The following CALN1 variants were observed in gnomAD, a reference collection of about 807,000 sequenced individuals.
CALN1 encodes calcium-binding protein 8.
CALN1 carries 17 observed loss-of-function variants against 30.6 expected under a neutral mutation model. The ratio of observed to expected loss-of-function variants is 0.56; its 90% CI spans 0.38 to 0.83. CALN1 has a LOEUF of 0.83. CALN1 is among the 40% of genes least tolerant of loss of function. CALN1 has a pLI of 0.00. For missense variants in CALN1, 291 were observed against 354.9 expected, an observed-to-expected ratio of 0.82 and a Z score of 1.45; for synonymous variants, 156 against 131.4, an observed-to-expected ratio of 1.19 and a Z score of -1.28.
intron 3 of CALN1, among the ~76,000 whole-genome samples, chr7:72,274,605 T>C (rs1335152730): frequency 6.6e-6 from 1 of 152,036 alleles, no homozygotes; most frequent in Admixed American, 6.6e-5. Flanking sequence ...TAGAATTCCA[T>C]ATAATGCACT....
intron 1 of CALN1, among the ~76,000 whole-genome samples, chr7:72,441,238 G>A (rs182093467): frequency 3.0e-4 from 45 of 152,238 alleles, no homozygotes; most frequent in African/African-American, 9.9e-4. Flanking sequence ...TTTTTAAGAT[G>A]AGAAAGATCT....
chr7:71,798,603 G>A (rs1787104015), intron 6 of CALN1, among the ~76,000 whole-genome samples: 1 of 149,566 alleles, frequency 6.7e-6, no homozygotes, highest in Admixed American at 6.6e-5. Flanking sequence ...ACCACGCCTG[G>A]CTGGTAAGAG....
At chr7:72,249,407 A>G (rs2677276) in intron 3 of CALN1, among the ~76,000 whole-genome samples, 148,014 of 152,294 alleles carry the variant, frequency 0.97, 71,976 homozygotes, top group East Asian at 1. Context: ...GAAGTCAAGA[A>G]ACTTGCCCAA....
chr7:71,996,349 G>C (rs1017449827), intron 5 of CALN1, among the ~76,000 whole-genome samples: 3 of 152,182 alleles, frequency 2.0e-5, no homozygotes, highest in African/African-American at 7.2e-5. Context: ...CTTCAATACT[G>C]AGATGAGTCA....
chr7:72,173,204 A>T (rs1018932116), intron 3 of CALN1, among the ~76,000 whole-genome samples: 1 of 152,142 alleles, frequency 6.6e-6, no homozygotes, highest in South Asian at 2.1e-4. Context: ...TTCCATCTGC[A>T]GTAGTATTAA....
At chr7:71,903,061 A>T (rs977427063) in intron 5 of CALN1, among the ~76,000 whole-genome samples, 10 of 152,006 alleles carry the variant, frequency 6.6e-5, no homozygotes, top group East Asian at 5.8e-4. Flanking sequence ...ACTTTTTTTT[A>T]AAAAAAGTAA....
chr7:72,171,595 T>A (rs1488677380), intron 3 of CALN1, among the ~76,000 whole-genome samples: 2 of 152,208 alleles, frequency 1.3e-5, no homozygotes, highest in African/African-American at 4.8e-5. Context: ...TCGTATGTTC[T>A]CAGTACAAAC....
At chr7:72,187,466 A>G (rs1790287410) in intron 3 of CALN1, among the ~76,000 whole-genome samples, 1 of 152,162 alleles carries the variant, frequency 6.6e-6, no homozygotes, top group African/African-American at 2.4e-5. Flanking sequence ...TGCCTCCTGT[A>G]AGATCAGTGG....
At chr7:72,445,057 AACACACACACACACACACAC>A (rs4029789) in intron 1 of CALN1, among the ~76,000 whole-genome samples, 52 of 138,852 alleles carry the variant, frequency 3.7e-4, no homozygotes, top group Admixed American at 1.5e-4. Context: ...CAGTGAATTA[AACACACACACACACACACAC>A]ACACACACAC....
chr7:72,188,297 A>G (rs1454160923), intron 3 of CALN1, among the ~76,000 whole-genome samples: 2 of 152,206 alleles, frequency 1.3e-5, no homozygotes, highest in Non-Finnish European at 1.5e-5. Context: ...ACATATGTAC[A>G]TGTATATATA....
At chr7:72,081,417 G>GTGTGTGTCTGTGTGTGTGTC (rs145997789) in intron 4 of CALN1, among the ~76,000 whole-genome samples, 2 of 146,190 alleles carry the variant, frequency 1.4e-5, no homozygotes, top group Non-Finnish European at 3.0e-5. Flanking sequence ...GTGTGTGTGT[G>GTGTGTGTCTGTGTGTGTGTC]TGTGTGTTTG....
At chr7:72,442,513 A>G (rs549832849) in intron 1 of CALN1, among the ~76,000 whole-genome samples, 13 of 152,228 alleles carry the variant, frequency 8.5e-5, no homozygotes, top group African/African-American at 3.1e-4. Flanking sequence ...CTTATTTAGG[A>G]TTGCACTTTA....
chr7:72,409,129 G>A (rs902204467), intron 1 of CALN1, among the ~76,000 whole-genome samples: 4 of 151,848 alleles, frequency 2.6e-5, no homozygotes, highest in South Asian at 2.1e-4. Flanking sequence ...CCCAGTAGCT[G>A]GGATTACAGG....
At chr7:71,903,170 G>C (rs972911705) in intron 5 of CALN1, among the ~76,000 whole-genome samples, 2 of 151,750 alleles carry the variant, frequency 1.3e-5, no homozygotes, top group African/African-American at 4.8e-5. Context: ...TTACCCTCTA[G>C]ATCTATAATA....
At chr7:72,017,629 G>A (rs1800473374) in intron 5 of CALN1, among the ~76,000 whole-genome samples, 1 of 152,154 alleles carries the variant, frequency 6.6e-6, no homozygotes, top group Non-Finnish European at 1.5e-5. Flanking sequence ...GCTATTATGG[G>A]CTTCTTGTCT....
chr7:72,094,405 C>A (rs1806079120), intron 4 of CALN1, among the ~76,000 whole-genome samples: 1 of 152,144 alleles, frequency 6.6e-6, no homozygotes, highest in Non-Finnish European at 1.5e-5. Flanking sequence ...CAGGCGCACA[C>A]CACAACACCC....
intron 1 of CALN1, among the ~76,000 whole-genome samples, chr7:72,420,768 C>T (rs938796609): frequency 2.0e-5 from 3 of 151,762 alleles, no homozygotes; most frequent in African/African-American, 4.8e-5. Context: ...TACAGGAGCC[C>T]GCCACTACGC....
At chr7:71,841,665 G>T (rs1584345929) in intron 5 of CALN1, among the ~76,000 whole-genome samples, 1 of 152,216 alleles carries the variant, frequency 6.6e-6, no homozygotes, top group South Asian at 2.1e-4. Context: ...GGAATACTAT[G>T]CAGCCATAGA....
At chr7:72,458,198 TATATA>T in the CALN1 span, among the ~76,000 whole-genome samples, 1 of 94,786 alleles carries the variant, frequency 1.1e-5, no homozygotes, top group South Asian at 3.3e-4. Flanking sequence ...TATATTATAA[TATATA>T]ATATATTTTA....
Sources: allele counts gnomAD v4.1 joint callset (sites outside exome capture counted in the v4.1 genomes callset), GRCh38; gene constraint gnomAD v4.1.1; transcripts MANE v1.5; gene names NCBI Gene and HGNC (gene_info 2026-07-23, HGNC 2026-07-21).